The following GRB2 variants were observed in gnomAD, a reference collection of about 807,000 sequenced individuals.
GRB2 encodes growth factor receptor bound protein 2, also known as growth factor receptor-bound protein 2.
In GRB2, 2 loss-of-function variants were observed where a neutral mutation model predicts 27.4. The observed-to-expected ratio is 0.07, with a 90% confidence interval of 0.03 to 0.23. The LOEUF (loss-of-function observed/expected upper bound fraction) is 0.23. Among genes scored for constraint, GRB2 ranks in the 10% least tolerant of loss-of-function variants. The pLI is 1.00. For missense variants in GRB2, 102 were observed against 282.4 expected (o/e 0.36, Z 4.58); for synonymous variants, 94 against 99.6 (o/e 0.94, Z 0.33).
At chr17:75,335,128 T>C (rs1029480053) in intron 2 of GRB2, among the ~76,000 whole-genome samples, 2 of 152,094 alleles carry the variant, frequency 1.3e-5, no homozygotes, top group African/African-American at 2.4e-5. Flanking sequence ...ATATGTTGGA[T>C]TGCAACTGGC....
intron 1 of GRB2, among the ~76,000 whole-genome samples, chr17:75,403,224 C>T (rs1200132981): frequency 2.0e-5 from 3 of 149,430 alleles, no homozygotes; most frequent in Non-Finnish European, 3.0e-5. Context: ...GTGGAGAGTT[C>T]CTCTGAATTA....
At chr17:75,376,949 T>C (rs2078897800) in intron 2 of GRB2, among the ~76,000 whole-genome samples, 1 of 152,036 alleles carries the variant, frequency 6.6e-6, no homozygotes, top group South Asian at 2.1e-4. Context: ...ATGTTGGGGC[T>C]GTACTGAGCC....
intron 1 of GRB2, among the ~76,000 whole-genome samples, chr17:75,401,590 C>G (rs2079064449): frequency 6.6e-6 from 1 of 151,862 alleles, no homozygotes; most frequent in African/African-American, 2.4e-5. Context: ...TTTGTAGTTA[C>G]AACACAAACC....
At chr17:75,382,703 T>TTTTATTTA (rs3082679) in intron 2 of GRB2, among the ~76,000 whole-genome samples, 178 of 150,934 alleles carry the variant, frequency 1.2e-3, no homozygotes, top group Admixed American at 2.2e-3. Context: ...ATCCTAAGAT[T>TTTTATTTA]TTTATTTATT....
chr17:75,366,500 C>CAA (rs34051020), intron 2 of GRB2, among the ~76,000 whole-genome samples: 75,158 of 111,558 alleles, frequency 0.67, 27,385 homozygotes, highest in East Asian at 0.85. Context: ...GATCAGCTTC[C>CAA]AAAAAAAAAA....
chr17:75,355,582 C>T (rs1245404261), intron 2 of GRB2, among the ~76,000 whole-genome samples: 2 of 149,204 alleles, frequency 1.3e-5, no homozygotes, highest in South Asian at 2.1e-4. Context: ...ATAAAATACA[C>T]TAACACTAAT....
chr17:75,374,580 C>T (rs1462284847), intron 2 of GRB2, among the ~76,000 whole-genome samples: 5 of 151,636 alleles, frequency 3.3e-5, no homozygotes, highest in Admixed American at 1.3e-4. Flanking sequence ...ACACACTAGC[C>T]GAGTGTGGTG....
rs1304141625 is a variant in GRB2, at chr17:75,338,361, G to A, written c.79-5564C>T. On this transcript the variant is annotated intron_variant, in intron 2 of 5. Coordinates refer to ENST00000316804, the MANE Select transcript of GRB2 (RefSeq NM_002086.5). Reference sequence around the variant, plus strand: ...ATTACAGGCATGAGCCACCGTGCCCGGCCACAAATAATTTTTAAAGGCCTA... The same window carrying A: ...ATTACAGGCATGAGCCACCGTGCCCAGCCACAAATAATTTTTAAAGGCCTA... Among the ~76,000 whole-genome samples, 5 of 152,200 alleles carry A rather than the reference G, an allele frequency of 3.3e-5. No homozygotes were observed. In the East Asian group the frequency reaches 5.8e-4, roughly 18 times the overall value.
chr17:75,341,883 G>C (rs181078048), intron 2 of GRB2, among the ~76,000 whole-genome samples: 2 of 152,154 alleles, frequency 1.3e-5, no homozygotes, highest in Non-Finnish European at 2.9e-5. Flanking sequence ...TTAAAAAGCC[G>C]TAAGTATCCT....
chr17:75,377,535 G>A (rs2078901745), intron 2 of GRB2, among the ~76,000 whole-genome samples: 1 of 141,320 alleles, frequency 7.1e-6, no homozygotes, highest in Admixed American at 7.7e-5. Context: ...TGGATGAAGT[G>A]CTTGAGCCTA....
intron 1 of GRB2, chr17:75,395,018 G>C (rs933784601): frequency 6.6e-6 from 1 of 152,184 alleles, no homozygotes; most frequent in Non-Finnish European, 1.5e-5. Flanking sequence ...GAAAACAACA[G>C]AACTGGGACA....
chr17:75,371,906 T>C (rs2145855567), intron 2 of GRB2: 2 of 152,284 alleles, frequency 1.3e-5, no homozygotes, highest in Admixed American at 1.3e-4. Context: ...AGGAGGATAG[T>C]AAATTATGCA....
At chr17:75,398,354 C>T (rs990864519) in intron 1 of GRB2, among the ~76,000 whole-genome samples, 4 of 151,928 alleles carry the variant, frequency 2.6e-5, no homozygotes, top group African/African-American at 4.8e-5. Flanking sequence ...CTGCAACCTC[C>T]GCCTCCTGGG....
At chr17:75,349,508 C>CTT (rs36010389) in intron 2 of GRB2, among the ~76,000 whole-genome samples, 63,276 of 115,744 alleles carry the variant, frequency 0.55, 21,348 homozygotes, top group East Asian at 0.83. Flanking sequence ...ATAACTCAGA[C>CTT]TTTTTTTTTT....
At chr17:75,376,552 A>G (rs1205216735) in intron 2 of GRB2, among the ~76,000 whole-genome samples, 1 of 151,268 alleles carries the variant, frequency 6.6e-6, no homozygotes, top group African/African-American at 2.4e-5. Flanking sequence ...GTGAAGCATG[A>G]ACTTCTACTG....
chr17:75,326,376 T>TACGG (rs1418650373), intron 3 of GRB2: 1 of 250,704 alleles, frequency 4.0e-6, no homozygotes, highest in East Asian at 9.5e-5. Context: ...GGGCTTGGTG[T>TACGG]ACGGGATGAA....
intron 2 of GRB2, among the ~76,000 whole-genome samples, chr17:75,373,971 A>G (rs1169191091): frequency 6.6e-6 from 1 of 151,166 alleles, no homozygotes; most frequent in Non-Finnish European, 1.5e-5. Context: ...TTTTTTTTGC[A>G]TTTTTAGTAG....
At chr17:75,339,496 T>C (rs1028214140) in intron 2 of GRB2, among the ~76,000 whole-genome samples, 2 of 151,932 alleles carry the variant, frequency 1.3e-5, no homozygotes, top group African/African-American at 2.4e-5. Flanking sequence ...TATGTACAAG[T>C]CAATGGAAGG....
intron 2 of GRB2, among the ~76,000 whole-genome samples, chr17:75,376,798 T>G (rs1166237126): frequency 6.6e-6 from 1 of 152,020 alleles, no homozygotes; most frequent in African/African-American, 2.4e-5. Flanking sequence ...TCCCAGAAGT[T>G]TGAGACAAGC....
Sources: gnomAD v4.1 joint callset for allele counts (sites outside exome capture counted in the v4.1 genomes callset) on GRCh38, gnomAD v4.1.1 for gene constraint, MANE v1.5 for transcripts, NCBI Gene and HGNC (gene_info 2026-07-23, HGNC 2026-07-21) for gene names.